GRM1: variants seen among roughly 807,000 people sequenced by gnomAD.
The protein encoded by GRM1 is glutamate metabotropic receptor 1.
In GRM1, 33 loss-of-function variants were observed where a neutral mutation model predicts 90.9. That is an observed-to-expected ratio of 0.36 (90% CI 0.28 to 0.49). The LOEUF (loss-of-function observed/expected upper bound fraction) is 0.49. Ranked by LOEUF, GRM1 falls within the 20% of genes least tolerant of loss-of-function variation. GRM1 has a pLI of 0.99. For synonymous variants in GRM1, 700 were observed against 613.2 expected, an observed-to-expected ratio of 1.14 and a Z score of -2.09; for missense variants, 1,190 against 1,534.3, an observed-to-expected ratio of 0.78 and a Z score of 3.75.
chr6:146,347,291 G>T (rs1007294236), intron 3 of GRM1, among the ~76,000 whole-genome samples: 2 of 152,162 alleles, frequency 1.3e-5, no homozygotes, highest in Non-Finnish European at 2.9e-5. Flanking sequence ...GCCTAATAGG[G>T]AGTGCCTGCA....
chr6:146,217,573 T>C (rs1016131086), intron 2 of GRM1, among the ~76,000 whole-genome samples: 1 of 152,142 alleles, frequency 6.6e-6, no homozygotes, highest in African/African-American at 2.4e-5. Flanking sequence ...ATGCCAACAA[T>C]AGAGTCATTC....
chr6:146,340,953 CA>C (rs1378401405), intron 3 of GRM1, among the ~76,000 whole-genome samples: 7 of 152,274 alleles, frequency 4.6e-5, no homozygotes, highest in African/African-American at 1.2e-4. Context: ...CAACAGGCCC[CA>C]AAATAGTAGG....
intron 2 of GRM1, among the ~76,000 whole-genome samples, chr6:146,273,623 TAC>T (rs1016877779): frequency 6.6e-5 from 10 of 152,214 alleles, no homozygotes; most frequent in African/African-American, 2.4e-4. Context: ...GCACCATTCT[TAC>T]AGAGTTACAA....
At chr6:146,057,804 A>G (rs761425123) in intron 1 of GRM1, among the ~76,000 whole-genome samples, 6 of 152,114 alleles carry the variant, frequency 3.9e-5, no homozygotes, top group Non-Finnish European at 8.8e-5. Context: ...AGAGAAAAAG[A>G]TTTGATATGT....
In GRM1 at chr6:146,154,829, G is replaced by A. The variant is rs539187894; in HGVS notation, c.701-4519G>A. ...AAAGTTAGAACTGCTTTCACAAACAGTGTATGTACTTATACCTTGCCAACA... is the reference window on the plus strand; with the variant it reads ...AAAGTTAGAACTGCTTTCACAAACAATGTATGTACTTATACCTTGCCAACA... On this transcript the variant is annotated intron_variant, in intron 1 of 7. Transcript: ENST00000282753. 1.5e-3 allele frequency among the ~76,000 whole-genome samples: 232 copies of A among 152,258 alleles called. 1 individual carries two copies. Among genetic ancestry groups the A allele is most frequent in the Non-Finnish European group, 2.7e-3 (181 of 68,018 alleles).
At chr6:146,370,816 A>T (rs1353718457) in intron 5 of GRM1, among the ~76,000 whole-genome samples, 1 of 152,024 alleles carries the variant, frequency 6.6e-6, no homozygotes, top group Admixed American at 6.6e-5. Flanking sequence ...AAATGTACAC[A>T]ATTAACTGCA....
chr6:146,404,441 A>G (rs1266609601), intron 7 of GRM1, among the ~76,000 whole-genome samples: 1 of 152,112 alleles, frequency 6.6e-6, no homozygotes, highest in Admixed American at 6.6e-5. Context: ...TAGAAAACCA[A>G]TATAACATTC....
intron 2 of GRM1, among the ~76,000 whole-genome samples, chr6:146,190,512 T>G (rs1390062498): frequency 6.6e-6 from 1 of 152,100 alleles, no homozygotes; most frequent in Admixed American, 6.6e-5. Context: ...TTGAGGGAGT[T>G]GGCCAACACG....
At chr6:146,286,421 G>T (rs1211035698) in intron 2 of GRM1, among the ~76,000 whole-genome samples, 5 of 152,136 alleles carry the variant, frequency 3.3e-5, no homozygotes, top group Non-Finnish European at 7.4e-5. Flanking sequence ...TATTTTATCA[G>T]AAAGTTAATT....
chr6:146,088,699 T>C (rs777944868), intron 1 of GRM1, among the ~76,000 whole-genome samples: 15 of 152,132 alleles, frequency 9.9e-5, no homozygotes, highest in Non-Finnish European at 1.9e-4. Context: ...CTAATCAAGA[T>C]GCATTTACCA....
intron 3 of GRM1, among the ~76,000 whole-genome samples, chr6:146,333,424 T>G (rs1784655400): frequency 1.3e-5 from 2 of 152,322 alleles, no homozygotes; most frequent in South Asian, 4.1e-4. Context: ...TCACACATTA[T>G]TACTGTAAGA....
At chr6:146,062,071 A>C (rs1473768835) in intron 1 of GRM1, among the ~76,000 whole-genome samples, 1 of 152,064 alleles carries the variant, frequency 6.6e-6, no homozygotes, top group Admixed American at 6.6e-5. Context: ...CACTGTTCAC[A>C]AGAGCAGAGT....
intron 1 of GRM1, among the ~76,000 whole-genome samples, chr6:146,035,293 G>A (rs1262504443): frequency 1.3e-5 from 2 of 151,930 alleles, no homozygotes; most frequent in Non-Finnish European, 2.9e-5. Context: ...ATGTGACAAA[G>A]AGTTTTGGTT....
chr6:146,079,302 C>T (rs532879080), intron 1 of GRM1, among the ~76,000 whole-genome samples: 6 of 152,242 alleles, frequency 3.9e-5, no homozygotes, highest in Admixed American at 2.6e-4. Context: ...TTCCATTCAG[C>T]ACCTCGGATG....
rs1475147135 is a variant in GRM1 at position 146,433,938 on chromosome 6, G to A, written c.2727G>A (p.Met909Ile). 1 of 1,613,568 alleles carries A rather than the reference G, an allele frequency of 6.2e-7. No individual in the cohort carries two copies. The highest frequency in any genetic ancestry group is 8.5e-7 in the Non-Finnish European group (1 of 1,179,466). Residue 909 changes from methionine to isoleucine, a missense_variant, in exon 8 of 8, where the codon ATG becomes ATA. Met to Ile is a conservative substitution (Grantham distance 10). This residue lies in a region of GRM1 where 400 missense variants were observed against 360.8 expected (regional missense o/e 1.11). Transcript: ENST00000282753. ...GACAGGTGCCCAAGGGACAGCATAT[G>A]TGGCACCGCCTCTCTGTGCACGTGA... ...GGGQVPKGQH[M>I]WHRLSVHVKT...
At chr6:146,275,060 G>T (rs929414521) in intron 2 of GRM1, among the ~76,000 whole-genome samples, 1 of 152,008 alleles carries the variant, frequency 6.6e-6, no homozygotes. Context: ...AAATTAAAAA[G>T]AAAAAGATGG....
At chr6:146,388,990 G>A (rs887106908) in intron 6 of GRM1, among the ~76,000 whole-genome samples, 8 of 152,008 alleles carry the variant, frequency 5.3e-5, no homozygotes, top group African/African-American at 1.9e-4. Flanking sequence ...TGCATGCAAT[G>A]GCCTGGCTTG....
At chr6:146,079,971 G>T (rs1386117200) in intron 1 of GRM1, among the ~76,000 whole-genome samples, 1 of 152,160 alleles carries the variant, frequency 6.6e-6, no homozygotes, top group Non-Finnish European at 1.5e-5. Context: ...AATGGGGCTT[G>T]GAAGGCTTTC....
At chr6:146,108,199 A>C (rs1277544061) in intron 1 of GRM1, among the ~76,000 whole-genome samples, 1 of 152,188 alleles carries the variant, frequency 6.6e-6, no homozygotes, top group African/African-American at 2.4e-5. Flanking sequence ...ATTTGGGTGT[A>C]AGGATTCAGA....
Sources: allele counts gnomAD v4.1 joint callset (sites outside exome capture counted in the v4.1 genomes callset), GRCh38; gene constraint gnomAD v4.1.1; regional missense constraint gnomAD v4.1.1; transcripts MANE v1.5; gene names NCBI Gene and HGNC (gene_info 2026-07-23, HGNC 2026-07-21).